Variants in EYS observed in about 807,000 individuals in gnomAD.
The protein encoded by EYS is EGF-like photoreceptor maintenance factor, also known as protein eyes shut homolog.
EYS carries 250 observed loss-of-function variants against 282.1 expected under a neutral mutation model. That is an observed-to-expected ratio of 0.89 (90% CI 0.80 to 0.98). The LOEUF is 0.98. Among genes scored for constraint, EYS ranks in the 50% least tolerant of loss-of-function variants. The pLI, the probability that EYS is intolerant of heterozygous loss-of-function variation, is 0.00. For missense variants in EYS, 4,016 were observed against 3,709.0 expected, an observed-to-expected ratio of 1.08 and a Z score of -2.15; for synonymous variants, 1,355 against 1,282.9, an observed-to-expected ratio of 1.06 and a Z score of -1.20.
chr6:64,670,266 C>T (rs1769402719), intron 22 of EYS, among the ~76,000 whole-genome samples: 1 of 152,046 alleles, frequency 6.6e-6, no homozygotes, highest in South Asian at 2.1e-4. Context: ...AAAAGATCGT[C>T]CACGCTTTGT....
At chr6:63,886,476 T>A (rs955262447) in intron 35 of EYS, among the ~76,000 whole-genome samples, 4 of 152,188 alleles carry the variant, frequency 2.6e-5, no homozygotes, top group Middle Eastern at 3.2e-3. Flanking sequence ...TTACTTTAGA[T>A]CATTTTGTTA....
At position 64,590,911 on chromosome 6, in the gene EYS, T is replaced by C; in HGVS notation, c.4956A>G (p.Ser1652=). The C allele has an allele frequency of 6.4e-7, 1 of 1,550,400 alleles. No individual in the cohort carries two copies. The highest frequency in any genetic ancestry group is 8.7e-7 in the Non-Finnish European group (1 of 1,146,428). Residue 1652 remains serine (S), a synonymous_variant, in exon 26 of 43, where the codon TCA becomes TCG. Coordinates refer to ENST00000503581, the MANE Select transcript of EYS (RefSeq NM_001142800.2). ...AACATAAATTAACATCCAAATTACT[T>C]GATAGGGTAATGGATTCTTCCAAGG... ...SSSLEESITL[S]SNLDVNLCLD...
chr6:64,746,660 C>T (rs1741250254), intron 22 of EYS, among the ~76,000 whole-genome samples: 1 of 152,042 alleles, frequency 6.6e-6, no homozygotes, highest in Non-Finnish European at 1.5e-5. Flanking sequence ...ATGTTGATAC[C>T]TCTTAAGCAT....
Position 64,466,012 on chromosome 6 carries a change from C to T in EYS, c.5645-26660G>A, listed in dbSNP as rs1775904397. Among the ~76,000 whole-genome samples the T allele has an allele frequency of 2.2e-5, 3 of 133,542 alleles. 1 individual carries two copies. The South Asian group carries it at 7.4e-4, about 33-fold the overall frequency. 87.6% of individuals were successfully genotyped at this position (133,542 alleles called of 152,430 possible). On this transcript the variant is annotated intron_variant, in intron 26 of 42. Transcript: ENST00000503581. Reference sequence around the variant, plus strand: ...TATATGAAAAGAATACTCAAGAGCACTAATCAGTAGAAAAACATAAATTGA... The same window carrying T: ...TATATGAAAAGAATACTCAAGAGCATTAATCAGTAGAAAAACATAAATTGA...
chr6:64,433,121 A>G (rs1036499501), intron 28 of EYS, among the ~76,000 whole-genome samples: 1 of 151,824 alleles, frequency 6.6e-6, no homozygotes, highest in Non-Finnish European at 1.5e-5. Context: ...TTCACAGAGC[A>G]TATTTGTTTC....
Position 64,902,519 on chromosome 6 carries a change from G to A in EYS, c.2642-19C>T, listed in dbSNP as rs2150071824. On this transcript the variant is annotated intron_variant, in intron 16 of 42. Coordinates refer to ENST00000503581, the MANE Select transcript of EYS (RefSeq NM_001142800.2). ...TCAAATTCTGCAAAGAGTATGAGAT[G>A]AGTATGGATGAGCAATCCTTGTTAT... The A allele has an allele frequency of 2.9e-6, 4 of 1,378,254 alleles. No individual in the cohort carries two copies. Among genetic ancestry groups the A allele is most frequent in the Non-Finnish European group, 3.9e-6 (4 of 1,017,080 alleles). The allele number at this position is 1,378,254 out of a possible 1,614,324, so 85.4% of individuals were successfully genotyped here.
At chr6:65,636,295 A>T (rs10944830) in intron 2 of EYS, among the ~76,000 whole-genome samples, 53,042 of 152,062 alleles carry the variant, frequency 0.35, 11,636 homozygotes, top group Non-Finnish European at 0.48. Flanking sequence ...TTCCTCCCCA[A>T]CCCTACCTTG....
intron 12 of EYS, among the ~76,000 whole-genome samples, chr6:65,183,277 T>A (rs1765436695): frequency 6.6e-6 from 1 of 151,964 alleles, no homozygotes; most frequent in Admixed American, 6.6e-5. Context: ...TCTCAATTGG[T>A]TGCATTTTCC....
At chr6:64,121,885 A>AG (rs935006658) in intron 31 of EYS, among the ~76,000 whole-genome samples, 7 of 152,210 alleles carry the variant, frequency 4.6e-5, no homozygotes, top group African/African-American at 1.7e-4. Flanking sequence ...ATCTATAGAC[A>AG]GGGCTTAGTC....
At chr6:65,009,564 C>T (rs955041023) in intron 13 of EYS, among the ~76,000 whole-genome samples, 1 of 152,162 alleles carries the variant, frequency 6.6e-6, no homozygotes, top group Non-Finnish European at 1.5e-5. Flanking sequence ...TCTCAACTCA[C>T]CTGGACTGTT....
intron 33 of EYS, among the ~76,000 whole-genome samples, chr6:64,059,462 C>A (rs1283954401): frequency 6.6e-6 from 1 of 152,166 alleles, no homozygotes; most frequent in Admixed American, 6.6e-5. Flanking sequence ...GTAGAGTCCA[C>A]TGGCATATTA....
chr6:65,520,697 A>C (rs977704615), intron 2 of EYS, among the ~76,000 whole-genome samples: 1 of 151,962 alleles, frequency 6.6e-6, no homozygotes, highest in African/African-American at 2.4e-5. Flanking sequence ...TATCAGGAAT[A>C]GACTAGAATA....
At chr6:64,133,133 T>C (rs1181450116) in intron 31 of EYS, among the ~76,000 whole-genome samples, 2 of 151,772 alleles carry the variant, frequency 1.3e-5, no homozygotes, top group African/African-American at 4.9e-5. Flanking sequence ...ATAATTAGTA[T>C]TTTTTGTAAC....
chr6:64,052,878 A>C (rs1008503005), intron 33 of EYS, among the ~76,000 whole-genome samples: 2 of 152,070 alleles, frequency 1.3e-5, no homozygotes, highest in Non-Finnish European at 2.9e-5. Context: ...TTTGCTGAGG[A>C]CTTCCCCAGC....
Position 64,457,528 on chromosome 6 carries a change from A to ATGTGT in EYS, c.5645-18181_5645-18177dup, listed in dbSNP as rs1201972736. On this transcript the variant is annotated intron_variant, in intron 26 of 42. Coordinates refer to ENST00000503581, the MANE Select transcript of EYS (RefSeq NM_001142800.2). ...CTTCGTATCTATTGATATTTTCTTT[A>ATGTGT]TGTGTTTAGATCCTCTGATGCTTGC... is the stretch of plus-strand genomic sequence containing the variant. Among the ~76,000 whole-genome samples the ATGTGT allele has an allele frequency of 3.3e-5, 5 of 151,830 alleles. 1 individual carries two copies. The South Asian group carries it at 8.3e-4, about 25-fold the overall frequency.
chr6:65,355,878 A>G (rs1243155974), intron 8 of EYS, among the ~76,000 whole-genome samples: 1 of 152,108 alleles, frequency 6.6e-6, no homozygotes, highest in African/African-American at 2.4e-5. Flanking sequence ...CCCTGCTGAT[A>G]GGAATGTAAA....
chr6:65,615,798 G>A (rs1252901306), intron 2 of EYS, among the ~76,000 whole-genome samples: 2 of 151,922 alleles, frequency 1.3e-5, no homozygotes, highest in African/African-American at 4.8e-5. Flanking sequence ...GCCGGTCGTG[G>A]TGGCGGGCGC....
Position 63,760,579 on chromosome 6 carries a change from ACTTT to A in EYS, c.8071+1878_8071+1881del, listed in dbSNP as rs1273804905. ...TGGCACCTTTAATGAAATCTTCTAG[ACTTT>A]CTTTCTGTAAAATCTCATTACTCTG... On this transcript the variant is annotated intron_variant, in intron 41 of 42. Transcript: ENST00000503581. Among the ~76,000 whole-genome samples, 3 of 151,788 alleles carry A rather than the reference ACTTT, an allele frequency of 2.0e-5. No individual in the cohort carries two copies. In the East Asian group the frequency reaches 5.8e-4, roughly 29 times the overall value.
At chr6:64,407,879 C>T (rs1291671324) in intron 28 of EYS, among the ~76,000 whole-genome samples, 2 of 151,970 alleles carry the variant, frequency 1.3e-5, no homozygotes, top group Admixed American at 1.3e-4. Context: ...TTACAGGTGT[C>T]CACAACCACG....
Sources: gnomAD v4.1 joint callset for allele counts (sites outside exome capture counted in the v4.1 genomes callset) on GRCh38, gnomAD v4.1.1 for gene constraint, MANE v1.5 for transcripts, NCBI Gene and HGNC (gene_info 2026-07-23, HGNC 2026-07-21) for gene names.